CDH13: variants seen among roughly 807,000 people sequenced by gnomAD.
CDH13 encodes the protein cadherin 13.
In CDH13, 24 loss-of-function variants were observed where a neutral mutation model predicts 63.8. The ratio of observed to expected loss-of-function variants is 0.38; its 90% CI spans 0.27 to 0.53. CDH13 has a LOEUF of 0.53. Ranked by LOEUF, CDH13 falls within the 20% of genes least tolerant of loss-of-function variation. The pLI is 0.85. For synonymous variants in CDH13, 503 were observed against 355.3 expected, an observed-to-expected ratio of 1.42 and a Z score of -4.67; for missense variants, 1,049 against 903.1, an observed-to-expected ratio of 1.16 and a Z score of -2.07.
intron 4 of CDH13, among the ~76,000 whole-genome samples, chr16:83,179,645 C>G (rs1224504092): frequency 1.9e-5 from 2 of 102,922 alleles, no homozygotes; most frequent in African/African-American, 3.8e-5. Context: ...GAGCGAGACT[C>G]TCTCTCAGAA....
At chr16:82,885,618 T>G (rs1178959217) in intron 2 of CDH13, among the ~76,000 whole-genome samples, 1 of 152,112 alleles carries the variant, frequency 6.6e-6, no homozygotes, top group Non-Finnish European at 1.5e-5. Context: ...TTTTCTTCTA[T>G]CTATCTGTAT....
At chr16:82,793,052 G>T (rs1438189316) in intron 1 of CDH13, among the ~76,000 whole-genome samples, 1 of 152,246 alleles carries the variant, frequency 6.6e-6, no homozygotes, top group Non-Finnish European at 1.5e-5. Context: ...CCCTGATGGA[G>T]TTATTCACAG....
intron 6 of CDH13, among the ~76,000 whole-genome samples, chr16:83,347,259 T>A (rs2090859198): frequency 6.6e-6 from 1 of 151,984 alleles, no homozygotes; most frequent in African/African-American, 2.4e-5. Flanking sequence ...TCGTCTCTTG[T>A]ATTTCCATTA....
chr16:83,114,723 T>C (rs2035216581), intron 3 of CDH13, among the ~76,000 whole-genome samples: 1 of 152,116 alleles, frequency 6.6e-6, no homozygotes, highest in South Asian at 2.1e-4. Context: ...CTGCAGAAAG[T>C]TGGATATTTG....
chr16:83,411,849 A>T (rs2092130962), intron 6 of CDH13, among the ~76,000 whole-genome samples: 1 of 152,252 alleles, frequency 6.6e-6, no homozygotes, highest in South Asian at 2.1e-4. Flanking sequence ...CTTCTCATTT[A>T]GTCCTCATAA....
chr16:82,750,534 G>GGT (rs1251249871), intron 1 of CDH13, among the ~76,000 whole-genome samples: 1 of 152,302 alleles, frequency 6.6e-6, no homozygotes, highest in Non-Finnish European at 1.5e-5. Context: ...CTAATGATCT[G>GGT]ACATAGACTG....
intron 10 of CDH13, chr16:83,725,484 T>C (rs419382): frequency 0.81 from 123,560 of 152,436 alleles, 50,106 homozygotes; most frequent in East Asian, 0.93. Flanking sequence ...CCTTATCACA[T>C]GTGGGCACAG....
At chr16:83,180,888 A>G (rs1247595757) in intron 4 of CDH13, 18 of 1,530,560 alleles carry the variant, frequency 1.2e-5, no homozygotes, top group Non-Finnish European at 1.3e-5. Context: ...CAATCCTATT[A>G]ACAGCGAACT....
At chr16:83,506,731 C>T (rs2074405236) in intron 7 of CDH13, among the ~76,000 whole-genome samples, 2 of 152,208 alleles carry the variant, frequency 1.3e-5, no homozygotes, top group Admixed American at 6.5e-5. Context: ...CTTGTCCTTT[C>T]TTGCTACAGG....
chr16:82,739,466 T>C (rs993290751), intron 1 of CDH13, among the ~76,000 whole-genome samples: 6 of 152,218 alleles, frequency 3.9e-5, no homozygotes, highest in Non-Finnish European at 8.8e-5. Context: ...GTTGTCTTGG[T>C]AAATTTTAAG....
chr16:83,585,121 C>A (rs1169638585), intron 7 of CDH13, among the ~76,000 whole-genome samples: 3 of 152,158 alleles, frequency 2.0e-5, no homozygotes, highest in Non-Finnish European at 4.4e-5. Flanking sequence ...TGAATTGCTG[C>A]AGACACGTGT....
chr16:82,639,919 C>T (rs1321958360), intron 1 of CDH13, among the ~76,000 whole-genome samples: 1 of 152,330 alleles, frequency 6.6e-6, no homozygotes, highest in East Asian at 1.9e-4. Flanking sequence ...GGTGGCCGTG[C>T]CTATCTGTGC....
chr16:83,548,531 G>C (rs138126581), intron 7 of CDH13, among the ~76,000 whole-genome samples: 7 of 152,292 alleles, frequency 4.6e-5, no homozygotes, highest in African/African-American at 1.7e-4. Flanking sequence ...GGTGATCTTT[G>C]GGTCTTGTCT....
chr16:82,929,804 C>G (rs2042426771), intron 2 of CDH13, among the ~76,000 whole-genome samples: 1 of 151,846 alleles, frequency 6.6e-6, no homozygotes, highest in South Asian at 2.1e-4. Flanking sequence ...TAAAAAGCCA[C>G]CCAGTCAATC....
At chr16:83,737,000 C>T (rs1261503406) in intron 10 of CDH13, among the ~76,000 whole-genome samples, 2 of 151,984 alleles carry the variant, frequency 1.3e-5, no homozygotes, top group Non-Finnish European at 2.9e-5. Context: ...AGGGAAGGCT[C>T]GGTGCACGTG....
At chr16:83,576,558 C>A (rs1345641092) in intron 7 of CDH13, among the ~76,000 whole-genome samples, 1 of 152,166 alleles carries the variant, frequency 6.6e-6, no homozygotes. Context: ...TTTTGAGGAA[C>A]CATCATACTA....
chr16:83,136,812 G>T (rs16959371), intron 4 of CDH13, among the ~76,000 whole-genome samples: 41,882 of 152,044 alleles, frequency 0.28, 6,019 homozygotes, highest in African/African-American at 0.31. Flanking sequence ...TCGTAGGAGT[G>T]GTCTGAGATT....
chr16:83,216,956 T>G (rs2039554273), intron 4 of CDH13, among the ~76,000 whole-genome samples: 1 of 152,158 alleles, frequency 6.6e-6, no homozygotes, highest in Non-Finnish European at 1.5e-5. Flanking sequence ...TCTTGATCAA[T>G]GCATGCGCAG....
At chr16:82,780,053 C>G (rs887944655) in intron 1 of CDH13, among the ~76,000 whole-genome samples, 1 of 152,036 alleles carries the variant, frequency 6.6e-6, no homozygotes, top group Non-Finnish European at 1.5e-5. Flanking sequence ...GGTGATTTCG[C>G]CAAACAAAAC....
Sources: allele counts gnomAD v4.1 joint callset (sites outside exome capture counted in the v4.1 genomes callset), GRCh38; gene constraint gnomAD v4.1.1; transcripts MANE v1.5; gene names NCBI Gene and HGNC (gene_info 2026-07-23, HGNC 2026-07-21).